The following RALGAPA1 variants were observed in gnomAD, a reference collection of about 807,000 sequenced individuals.
RALGAPA1 encodes ral GTPase-activating protein subunit alpha-1.
In RALGAPA1, 52 loss-of-function variants were observed where a neutral mutation model predicts 269.6. That is an observed-to-expected ratio of 0.19 (90% CI 0.15 to 0.24). The LOEUF is 0.24. RALGAPA1 is among the 10% of genes least tolerant of loss of function. RALGAPA1 has a pLI of 1.00. For synonymous variants in RALGAPA1, 817 were observed against 1,008.3 expected (o/e 0.81, Z 3.60); for missense variants, 1,917 against 3,013.9 (o/e 0.64, Z 8.52).
chr14:35,759,379 A>C (rs993560614), intron 6 of RALGAPA1, among the ~76,000 whole-genome samples: 7 of 152,208 alleles, frequency 4.6e-5, no homozygotes, highest in Admixed American at 3.3e-4. Flanking sequence ...GTGTGGTTGC[A>C]CTTGGAGAGA....
chr14:35,670,884 C>T (rs1393214389), intron 26 of RALGAPA1, among the ~76,000 whole-genome samples: 3 of 151,302 alleles, frequency 2.0e-5, no homozygotes, highest in Non-Finnish European at 4.4e-5. Context: ...GATCGCACCA[C>T]TGCACTCCAG....
intron 6 of RALGAPA1, among the ~76,000 whole-genome samples, chr14:35,757,353 C>T (rs2073274140): frequency 6.6e-6 from 1 of 151,980 alleles, no homozygotes; most frequent in African/African-American, 2.4e-5. Context: ...TTCCTGATCT[C>T]AGGTGATCTG....
chr14:35,547,900 T>C (rs1321202540), intron 41 of RALGAPA1, among the ~76,000 whole-genome samples: 2 of 152,120 alleles, frequency 1.3e-5, no homozygotes, highest in East Asian at 1.9e-4. Context: ...TAAATCTCAA[T>C]TGAGAATTAC....
chr14:35,761,052 T>G, intron 5 of RALGAPA1, 46 bp from the exon 6 acceptor site: 5 of 1,414,624 alleles, frequency 3.5e-6, no homozygotes, highest in Non-Finnish European at 4.8e-6. Context: ...ATAATGGAAA[T>G]ATTTTCTTCC....
chr14:35,717,310 TG>T (rs1450889952), intron 16 of RALGAPA1, among the ~76,000 whole-genome samples: 6 of 152,080 alleles, frequency 3.9e-5, no homozygotes, highest in Admixed American at 3.9e-4. Flanking sequence ...GCTACCACGC[TG>T]GCTAATTTTT....
chr14:35,590,123 A>G (rs549467522), intron 37 of RALGAPA1, among the ~76,000 whole-genome samples: 1 of 152,284 alleles, frequency 6.6e-6, no homozygotes, highest in East Asian at 1.9e-4. Context: ...TTCCAATCCT[A>G]TTTAACATCA....
chr14:35,622,695 T>G (rs1293164772), intron 35 of RALGAPA1, among the ~76,000 whole-genome samples: 1 of 152,238 alleles, frequency 6.6e-6, no homozygotes, highest in Non-Finnish European at 1.5e-5. Context: ...TAAAATAGAC[T>G]GTTTTTCAAC....
At chr14:35,752,899 G>C (rs1174629154) in intron 7 of RALGAPA1, among the ~76,000 whole-genome samples, 1 of 152,156 alleles carries the variant, frequency 6.6e-6, no homozygotes, top group Non-Finnish European at 1.5e-5. Flanking sequence ...TGACAGGTAA[G>C]AGTTATAAAT....
At chr14:35,691,606 T>A (rs1256199133) in intron 17 of RALGAPA1, among the ~76,000 whole-genome samples, 1 of 152,210 alleles carries the variant, frequency 6.6e-6, no homozygotes, top group African/African-American at 2.4e-5. Flanking sequence ...AGTTTCCTCA[T>A]TTATAAAATG....
intron 17 of RALGAPA1, 73 bp from the exon 18 acceptor site, chr14:35,690,076 C>T (rs1239189974): frequency 3.6e-6 from 4 of 1,109,094 alleles, no homozygotes; most frequent in Non-Finnish European, 5.0e-6. Flanking sequence ...TTCAATAATG[C>T]TCTAAAGCAT....
intron 28 of RALGAPA1, among the ~76,000 whole-genome samples, chr14:35,658,836 A>G (rs1472071222): frequency 1.3e-5 from 2 of 152,004 alleles, no homozygotes; most frequent in Non-Finnish European, 2.9e-5. Flanking sequence ...CATAAAAGAC[A>G]TTGACAAATA....
At chr14:35,588,916 A>C (rs1195019932) in intron 37 of RALGAPA1, among the ~76,000 whole-genome samples, 1 of 152,214 alleles carries the variant, frequency 6.6e-6, no homozygotes, top group Non-Finnish European at 1.5e-5. Flanking sequence ...ATGGAACACT[A>C]TTCAACCTTA....
At chr14:35,670,288 T>C (rs2064294939) in intron 26 of RALGAPA1, among the ~76,000 whole-genome samples, 1 of 152,232 alleles carries the variant, frequency 6.6e-6, no homozygotes, top group South Asian at 2.1e-4. Flanking sequence ...ATAAGGTATG[T>C]TAAACTGCTC....
chr14:35,795,029 TC>T (rs1407994649), intron 1 of RALGAPA1, among the ~76,000 whole-genome samples: 1 of 152,160 alleles, frequency 6.6e-6, no homozygotes, highest in Non-Finnish European at 1.5e-5. Context: ...TAAGAGAACC[TC>T]TTATTATCAG....
At chr14:35,711,581 G>T (rs748761893) in intron 16 of RALGAPA1, among the ~76,000 whole-genome samples, 1 of 152,112 alleles carries the variant, frequency 6.6e-6, no homozygotes, top group African/African-American at 2.4e-5. Context: ...CTGAGTAGCC[G>T]GGAGTACAGA....
At position 35,688,573 on chromosome 14, in the gene RALGAPA1, G is replaced by C. The variant is rs539796141; in HGVS notation, c.3838C>G (p.Leu1280Val). Reference protein sequence around the residue: ...GGVYKTVVHALSKPKANVSPQ... With the variant: ...GGVYKTVVHAVSKPKANVSPQ... ...GAAACATTTGCCTTCGGCTTCGAAA[G>C]AGCATGTACAACAGTTTTATAAACG... The change falls in exon 18 of 42, where the codon CTT becomes GTT. Residue 1280 changes from leucine (L) to valine (V), a missense_variant. Leu to Val is a conservative substitution (Grantham distance 32, BLOSUM62 1). Around this residue, in one of 11 missense-constraint regions of RALGAPA1, gnomAD observed 615 missense variants for 790.0 expected, o/e 0.78. Coordinates refer to ENST00000680220, the MANE Select transcript of RALGAPA1 (RefSeq NM_001346249.2). 3 of 1,536,108 alleles carry C rather than the reference G, an allele frequency of 2.0e-6. No individual in the cohort carries two copies. In the African/African-American group the frequency reaches 4.1e-5, roughly 21 times the overall value.
At chr14:35,554,239 C>T (rs1003252318) in intron 39 of RALGAPA1, among the ~76,000 whole-genome samples, 2 of 151,926 alleles carry the variant, frequency 1.3e-5, no homozygotes, top group Non-Finnish European at 2.9e-5. Context: ...TGGTGAGTTT[C>T]CACATCATAC....
intron 31 of RALGAPA1, among the ~76,000 whole-genome samples, chr14:35,643,419 C>T (rs2062163527): frequency 6.6e-6 from 1 of 152,144 alleles, no homozygotes; most frequent in African/African-American, 2.4e-5. Flanking sequence ...AGGGAACCCT[C>T]ATACACTGTT....
At chr14:35,659,622 A>C (rs2063411385) in intron 27 of RALGAPA1, among the ~76,000 whole-genome samples, 1 of 152,090 alleles carries the variant, frequency 6.6e-6, no homozygotes, top group South Asian at 2.1e-4. Flanking sequence ...ACTCATTTTA[A>C]GAGGCCAGCA....
Sources: allele counts gnomAD v4.1 joint callset (sites outside exome capture counted in the v4.1 genomes callset), GRCh38; gene constraint gnomAD v4.1.1; regional missense constraint gnomAD v4.1.1; transcripts MANE v1.5; gene names NCBI Gene and HGNC (gene_info 2026-07-23, HGNC 2026-07-21).